QTMAN: variants seen among roughly 807,000 people sequenced by gnomAD.
QTMAN encodes queuosine-tRNA mannosyltransferase.
the QTMAN span, among the ~76,000 whole-genome samples, chr2:144,247,287 T>C: frequency 6.6e-6 from 1 of 152,148 alleles, no homozygotes. Flanking sequence ...AAGTAGTTCA[T>C]AGAAGGTATA....
chr2:144,094,950 T>C, the QTMAN span, among the ~76,000 whole-genome samples: 6 of 152,202 alleles, frequency 3.9e-5, no homozygotes, highest in African/African-American at 1.4e-4. Flanking sequence ...TCACATCTTA[T>C]TCACTTTGTA....
the QTMAN span, among the ~76,000 whole-genome samples, chr2:144,180,927 C>T: frequency 6.6e-6 from 1 of 152,078 alleles, no homozygotes; most frequent in Non-Finnish European, 1.5e-5. Context: ...AATGGGGGAA[C>T]TTAAACTAAA....
At chr2:144,070,934 A>C in the QTMAN span, among the ~76,000 whole-genome samples, 1 of 152,196 alleles carries the variant, frequency 6.6e-6, no homozygotes, top group Non-Finnish European at 1.5e-5. Context: ...TAGAAAACAA[A>C]GCATTAATGA....
the QTMAN span, among the ~76,000 whole-genome samples, chr2:144,168,818 GCTT>G: frequency 6.6e-6 from 1 of 151,714 alleles, no homozygotes; most frequent in East Asian, 1.9e-4. Flanking sequence ...TACATCTTAG[GCTT>G]CTTGTTAACT....
the QTMAN span, among the ~76,000 whole-genome samples, chr2:144,094,085 A>G: frequency 6.6e-6 from 1 of 152,202 alleles, no homozygotes; most frequent in Non-Finnish European, 1.5e-5. Context: ...GAGTTAAGAA[A>G]CATCGGGACT....
chr2:144,317,820 T>G, the QTMAN span, among the ~76,000 whole-genome samples: 1 of 152,192 alleles, frequency 6.6e-6, no homozygotes, highest in Non-Finnish European at 1.5e-5. Context: ...GCTTTTTTTT[T>G]GCAACTGTGT....
At chr2:144,258,208 C>A in the QTMAN span, among the ~76,000 whole-genome samples, 1 of 146,040 alleles carries the variant, frequency 6.8e-6, no homozygotes, top group Non-Finnish European at 1.5e-5. Flanking sequence ...TTAATACATA[C>A]TTAACATTCT....
the QTMAN span, among the ~76,000 whole-genome samples, chr2:144,051,689 G>T: frequency 2.0e-5 from 3 of 152,336 alleles, no homozygotes; most frequent in African/African-American, 4.8e-5. Flanking sequence ...CAGAGTAAGA[G>T]TCGAATTGAG....
the QTMAN span, among the ~76,000 whole-genome samples, chr2:144,064,956 G>A: frequency 6.6e-6 from 1 of 152,112 alleles, no homozygotes; most frequent in East Asian, 1.9e-4. Context: ...AGGAGAGGGG[G>A]GCAGAGTCCA....
the QTMAN span, among the ~76,000 whole-genome samples, chr2:144,165,628 C>T: frequency 1.3e-5 from 2 of 152,122 alleles, no homozygotes; most frequent in Non-Finnish European, 2.9e-5. Flanking sequence ...CTGTTGGAAA[C>T]CTTCACTTGG....
chr2:144,209,063 C>G, the QTMAN span, among the ~76,000 whole-genome samples: 1 of 152,122 alleles, frequency 6.6e-6, no homozygotes, highest in Admixed American at 6.6e-5. Flanking sequence ...TCCACTATGA[C>G]TCTTAGTTTT....
At chr2:144,137,200 T>C in the QTMAN span, among the ~76,000 whole-genome samples, 1 of 152,106 alleles carries the variant, frequency 6.6e-6, no homozygotes, top group Non-Finnish European at 1.5e-5. Flanking sequence ...CAAAAGTGGA[T>C]TATGCATTTT....
At chr2:143,988,836 T>C in the QTMAN span, among the ~76,000 whole-genome samples, 6 of 152,244 alleles carry the variant, frequency 3.9e-5, no homozygotes, top group South Asian at 1.2e-3. Context: ...GAGTGAATGG[T>C]TATGGCTTGG....
At chr2:144,200,476 C>T in the QTMAN span, among the ~76,000 whole-genome samples, 1 of 152,150 alleles carries the variant, frequency 6.6e-6, no homozygotes, top group Non-Finnish European at 1.5e-5. Context: ...AAACAGTTGT[C>T]TTGGGCCACA....
the QTMAN span, among the ~76,000 whole-genome samples, chr2:144,229,845 T>C: frequency 2.0e-5 from 3 of 152,148 alleles, no homozygotes; most frequent in Non-Finnish European, 4.4e-5. Context: ...TATATATTCC[T>C]TACCATCAGT....
the QTMAN span, among the ~76,000 whole-genome samples, chr2:143,949,973 T>C: frequency 6.6e-6 from 1 of 151,792 alleles, no homozygotes; most frequent in Non-Finnish European, 1.5e-5. Context: ...TCTTGATTAC[T>C]TAAAATTTGA....
At chr2:143,984,960 A>G in the QTMAN span, among the ~76,000 whole-genome samples, 186 of 152,278 alleles carry the variant, frequency 1.2e-3, no homozygotes, top group Non-Finnish European at 2.1e-3. Context: ...TTGGGTACCA[A>G]GAGGGCAGGG....
the QTMAN span, chr2:144,145,989 A>T: frequency 6.6e-6 from 1 of 151,050 alleles, no homozygotes; most frequent in African/African-American, 5.6e-5. Flanking sequence ...ATGTTAAAAA[A>T]AAAAAAAAAA....
At chr2:144,249,417 G>A in the QTMAN span, among the ~76,000 whole-genome samples, 1 of 152,194 alleles carries the variant, frequency 6.6e-6, no homozygotes, top group Non-Finnish European at 1.5e-5. Context: ...AGGAGTCACA[G>A]AGAACAGAAT....
Sources: allele counts gnomAD v4.1 joint callset (sites outside exome capture counted in the v4.1 genomes callset), GRCh38; gene constraint gnomAD v4.1.1; transcripts MANE v1.5; gene names NCBI Gene and HGNC (gene_info 2026-07-23, HGNC 2026-07-21).